Variants in TMEM132B observed in about 807,000 individuals in gnomAD.
The protein encoded by TMEM132B is transmembrane protein 132B.
A neutral mutation model predicts 90.8 loss-of-function variants in TMEM132B; 18 were observed. That is an observed-to-expected ratio of 0.20 (90% CI 0.14 to 0.29). The LOEUF (loss-of-function observed/expected upper bound fraction) is 0.29, where lower values mean the gene tolerates loss of function less well. Ranked by LOEUF, TMEM132B falls within the 10% of genes least tolerant of loss-of-function variation. The pLI, the probability that TMEM132B is intolerant of heterozygous loss-of-function variation, is 1.00. For synonymous variants in TMEM132B, 504 were observed against 523.3 expected (o/e 0.96, Z 0.50); for missense variants, 1,096 against 1,326.8 (o/e 0.83, Z 2.70).
At chr12:125,308,122 A>ACTTATAATAAAAGTATAT (rs1876039705) in intron 1 of TMEM132B, among the ~76,000 whole-genome samples, 1 of 146,774 alleles carries the variant, frequency 6.8e-6, no homozygotes, top group Non-Finnish European at 1.5e-5. Flanking sequence ...AAGTATATAT[A>ACTTATAATAAAAGTATAT]TACACATAAG....
At chr12:125,312,416 C>T (rs926883447) in intron 1 of TMEM132B, among the ~76,000 whole-genome samples, 1 of 152,232 alleles carries the variant, frequency 6.6e-6, no homozygotes, top group Non-Finnish European at 1.5e-5. Flanking sequence ...GACATGGGCT[C>T]AGCCGTTTCT....
chr12:125,493,571 C>G (rs1055333425), intron 3 of TMEM132B, among the ~76,000 whole-genome samples: 3 of 152,032 alleles, frequency 2.0e-5, no homozygotes, highest in Admixed American at 6.6e-5. Flanking sequence ...CTGCTGTGTG[C>G]TTGGGGTGGG....
At chr12:125,564,541 G>A (rs1034711055) in intron 4 of TMEM132B, among the ~76,000 whole-genome samples, 2 of 152,202 alleles carry the variant, frequency 1.3e-5, no homozygotes, top group Admixed American at 1.3e-4. Context: ...GTTCGTGAAA[G>A]CTTCTTAATT....
intron 4 of TMEM132B, among the ~76,000 whole-genome samples, chr12:125,534,856 A>G (rs1353923045): frequency 6.6e-6 from 1 of 152,250 alleles, no homozygotes; most frequent in African/African-American, 2.4e-5. Flanking sequence ...TTAATATTAA[A>G]TAAAATTAAA....
intron 1 of TMEM132B, among the ~76,000 whole-genome samples, chr12:125,293,721 C>T (rs1225807129): frequency 6.6e-6 from 1 of 152,148 alleles, no homozygotes; most frequent in Non-Finnish European, 1.5e-5. Context: ...AGGTTGATCC[C>T]ATGTATTTGC....
chr12:125,508,204 C>T (rs1345434657), intron 3 of TMEM132B, among the ~76,000 whole-genome samples: 2 of 152,152 alleles, frequency 1.3e-5, no homozygotes, highest in Admixed American at 1.3e-4. Flanking sequence ...AGTAAATTCT[C>T]CTAGTAAGTA....
intron 1 of TMEM132B, among the ~76,000 whole-genome samples, chr12:125,311,252 C>T (rs1293583289): frequency 2.6e-5 from 4 of 152,152 alleles, no homozygotes; most frequent in Non-Finnish European, 1.5e-5. Context: ...ACCGGGTCAC[C>T]GTTACAAGAG....
At chr12:125,273,706 C>G (rs1565989471) in intron 1 of TMEM132B, among the ~76,000 whole-genome samples, 1 of 152,204 alleles carries the variant, frequency 6.6e-6, no homozygotes, top group East Asian at 1.9e-4. Flanking sequence ...ACTAAGACAA[C>G]TAAGGCTAGA....
rs1239581682 is a variant in TMEM132B, at chr12:125,517,341, T to G, written c.1107-2098T>G. ...ATGCCCTGCTGATTTTTTTTTTTTTTTTTTTTTTTTTTTTTTTTTTTTTTG... is the reference window on the plus strand; with the variant it reads ...ATGCCCTGCTGATTTTTTTTTTTTTGTTTTTTTTTTTTTTTTTTTTTTTTG... On this transcript the variant is annotated intron_variant, in intron 3 of 8. Coordinates refer to ENST00000682704, the MANE Select transcript of TMEM132B (RefSeq NM_001366854.1). Among the ~76,000 whole-genome samples the G allele has an allele frequency of 4.3e-3, 161 of 37,642 alleles. 1 individual carries two copies. The highest frequency in any genetic ancestry group is 0.011 in the South Asian group (10 of 936). The allele number at this position is 37,642 out of a possible 152,430, so 24.7% of individuals were successfully genotyped here.
intron 2 of TMEM132B, among the ~76,000 whole-genome samples, chr12:125,361,836 G>A (rs1343291071): frequency 1.3e-5 from 2 of 152,228 alleles, no homozygotes; most frequent in African/African-American, 2.4e-5. Flanking sequence ...TAAGAAGTAA[G>A]TGTAAATTTC....
At chr12:125,650,420 C>G (rs1468435772) in intron 6 of TMEM132B, among the ~76,000 whole-genome samples, 2 of 152,140 alleles carry the variant, frequency 1.3e-5, no homozygotes, top group Non-Finnish European at 2.9e-5. Flanking sequence ...GACGCCAAGA[C>G]CAGAGCCTCA....
chr12:125,469,649 C>G lies in TMEM132B; in HGVS notation c.1107-49790C>G, dbSNP rs7315355. Among the ~76,000 whole-genome samples the G allele has an allele frequency of 9.6e-3, 1,460 of 152,186 alleles. 17 individuals are homozygous for G. Among genetic ancestry groups the G allele is most frequent in the Middle Eastern group, 0.044 (13 of 294 alleles). On this transcript the variant is annotated intron_variant, in intron 3 of 8. Coordinates refer to ENST00000682704, the MANE Select transcript of TMEM132B (RefSeq NM_001366854.1). ...AGCTCAGGTCACCCGGTTTCCAGCC[C>G]GGTGTCTTCTCCCCTCAAAATGAAG...
intron 1 of TMEM132B, among the ~76,000 whole-genome samples, chr12:125,189,948 C>T (rs79938612): frequency 0.015 from 2,355 of 152,196 alleles, 68 homozygotes; most frequent in African/African-American, 0.054. Flanking sequence ...GGGTCCATTT[C>T]CCCTGAAGCC....
chr12:125,482,784 A>G (rs1882083646), intron 3 of TMEM132B, among the ~76,000 whole-genome samples: 1 of 152,224 alleles, frequency 6.6e-6, no homozygotes, highest in Non-Finnish European at 1.5e-5. Flanking sequence ...TAGTATGAAG[A>G]CACATGCACA....
chr12:125,420,197 G>A (rs541166163), intron 3 of TMEM132B, among the ~76,000 whole-genome samples: 29 of 152,364 alleles, frequency 1.9e-4, no homozygotes, highest in South Asian at 1.2e-3. Context: ...CCTCAGTGGG[G>A]ACTCTGTGTG....
intron 2 of TMEM132B, among the ~76,000 whole-genome samples, chr12:125,361,739 T>A (rs1344800822): frequency 1.3e-5 from 2 of 152,196 alleles, no homozygotes; most frequent in Non-Finnish European, 2.9e-5. Context: ...CCTGTTTCCG[T>A]TAATAAGAAC....
At chr12:125,377,648 T>C (rs1878536108) in intron 2 of TMEM132B, among the ~76,000 whole-genome samples, 1 of 152,226 alleles carries the variant, frequency 6.6e-6, no homozygotes, top group Admixed American at 6.5e-5. Flanking sequence ...CATGTTGTTA[T>C]AATTTTTATT....
intron 2 of TMEM132B, among the ~76,000 whole-genome samples, chr12:125,398,339 C>T (rs1879222033): frequency 6.6e-6 from 1 of 152,184 alleles, no homozygotes; most frequent in South Asian, 2.1e-4. Flanking sequence ...AAAACCATTG[C>T]CTGTAGGGAC....
At chr12:125,263,192 T>C (rs1874608128) in intron 1 of TMEM132B, among the ~76,000 whole-genome samples, 1 of 152,228 alleles carries the variant, frequency 6.6e-6, no homozygotes, top group Non-Finnish European at 1.5e-5. Flanking sequence ...ATTTTTCTTA[T>C]GTAATGTGTC....
Sources: allele counts gnomAD v4.1 joint callset (sites outside exome capture counted in the v4.1 genomes callset), GRCh38; gene constraint gnomAD v4.1.1; transcripts MANE v1.5; gene names NCBI Gene and HGNC (gene_info 2026-07-23, HGNC 2026-07-21).